ARHGAP24: variants seen among roughly 807,000 people sequenced by gnomAD.
ARHGAP24 encodes Rho GTPase activating protein 24, also known as rho GTPase-activating protein 24.
Under a neutral mutation model 76.4 loss-of-function variants are expected in ARHGAP24, and 50 were observed. That is an observed-to-expected ratio of 0.65 (90% CI 0.52 to 0.83). The LOEUF is 0.83. ARHGAP24 is among the 40% of genes least tolerant of loss of function. The pLI is 0.00. For missense variants in ARHGAP24, 930 were observed against 914.2 expected, an observed-to-expected ratio of 1.02 and a Z score of -0.22; for synonymous variants, 345 against 323.3, an observed-to-expected ratio of 1.07 and a Z score of -0.72.
intron 3 of ARHGAP24, among the ~76,000 whole-genome samples, chr4:85,848,141 T>C (rs1253066446): frequency 6.7e-6 from 1 of 150,232 alleles, no homozygotes; most frequent in African/African-American, 2.4e-5. Context: ...TAATATGAGA[T>C]ACAAAGTAGC....
At chr4:85,595,292 G>T (rs1719763403) in intron 2 of ARHGAP24, among the ~76,000 whole-genome samples, 1 of 152,014 alleles carries the variant, frequency 6.6e-6, no homozygotes, top group African/African-American at 2.4e-5. Flanking sequence ...GTATCTCTTG[G>T]CAGACCAAGG....
rs558586860 is a variant in ARHGAP24, at chr4:85,763,540, C to T, written c.268+41568C>T. Among the ~76,000 whole-genome samples the T allele has an allele frequency of 1.7e-3, 253 of 152,176 alleles. 1 individual carries two copies. Among genetic ancestry groups the T allele is most frequent in the African/African-American group, 5.9e-3 (244 of 41,540 alleles). On this transcript the variant is annotated intron_variant, in intron 3 of 9. Coordinates refer to ENST00000395184, the MANE Select transcript of ARHGAP24 (RefSeq NM_001025616.3). ...TGGAAGTTCAGAATGAAACTACCAACCAGTAAGAATGTAGAGGAGCCCAAA... is the reference window on the plus strand; with the variant it reads ...TGGAAGTTCAGAATGAAACTACCAATCAGTAAGAATGTAGAGGAGCCCAAA...
Position 85,941,994 on chromosome 4 carries a change from A to AT in ARHGAP24, c.392-70dup, listed in dbSNP as rs1262232431. The AT allele has an allele frequency of 2.4e-5, 36 of 1,482,512 alleles. No individual in the cohort carries two copies. In the African/African-American group the frequency reaches 4.9e-4, roughly 20 times the overall value. 91.8% of individuals were successfully genotyped at this position (1,482,512 alleles called of 1,614,324 possible). On this transcript the variant is annotated intron_variant, in intron 4 of 9. Coordinates refer to ENST00000395184, the MANE Select transcript of ARHGAP24 (RefSeq NM_001025616.3). ...AATCTTTGTTTTTCTGTTATATTGA[A>AT]TTAAAACAACAACAACAACAAAGTG...
intron 3 of ARHGAP24, among the ~76,000 whole-genome samples, chr4:85,725,781 A>G (rs1466430788): frequency 6.6e-6 from 1 of 152,226 alleles, no homozygotes; most frequent in Non-Finnish European, 1.5e-5. Context: ...TTATTCAGCA[A>G]CTAGGAAACT....
intron 4 of ARHGAP24, among the ~76,000 whole-genome samples, chr4:85,928,141 A>C (rs1279282260): frequency 6.6e-6 from 1 of 152,178 alleles, no homozygotes; most frequent in Non-Finnish European, 1.5e-5. Flanking sequence ...TGAGAGGCAC[A>C]TGGTTTCTGC....
intron 1 of ARHGAP24, among the ~76,000 whole-genome samples, chr4:85,555,870 TG>T (rs11361394): frequency 0.82 from 125,159 of 152,070 alleles, 53,974 homozygotes; most frequent in East Asian, 0.98. Context: ...AGGTGGCTCA[TG>T]GGGGGAAACT....
chr4:85,832,047 C>T (rs1560658159), intron 3 of ARHGAP24, among the ~76,000 whole-genome samples: 1 of 152,084 alleles, frequency 6.6e-6, no homozygotes, highest in Non-Finnish European at 1.5e-5. Context: ...GTTTGTCACT[C>T]TCAAGTTCCC....
rs544993155 is a variant in ARHGAP24, at chr4:85,848,963, G to T, written c.269-74685G>T. Among the ~76,000 whole-genome samples, 14 of 152,034 alleles carry T rather than the reference G, an allele frequency of 9.2e-5. 1 individual carries two copies. The South Asian group carries it at 2.9e-3, about 32-fold the overall frequency. ...TTGGTTCCATATGAACTTTAAAGTA[G>T]TTTTTTCCAATTCTGTGAAGAAAGT... On this transcript the variant is annotated intron_variant, in intron 3 of 9. Coordinates refer to ENST00000395184, the MANE Select transcript of ARHGAP24 (RefSeq NM_001025616.3).
intron 2 of ARHGAP24, among the ~76,000 whole-genome samples, chr4:85,609,106 T>A (rs1217369662): frequency 2.6e-5 from 4 of 152,302 alleles, no homozygotes; most frequent in African/African-American, 9.6e-5. Flanking sequence ...ATGCTTAGTA[T>A]CTAGTAAAGT....
chr4:85,991,882 C>T, intron 8 of ARHGAP24: 1 of 351,886 alleles, frequency 2.8e-6, no homozygotes, highest in Non-Finnish European at 5.1e-6. Flanking sequence ...CTATATTGCA[C>T]AGAATGCTGT....
At chr4:85,685,428 C>T (rs375728381) in intron 2 of ARHGAP24, among the ~76,000 whole-genome samples, 4 of 151,914 alleles carry the variant, frequency 2.6e-5, no homozygotes, top group African/African-American at 9.7e-5. Context: ...GTCAGGAGAT[C>T]GAGACCATCC....
At chr4:85,994,133 A>T (rs1740503130) in intron 8 of ARHGAP24, among the ~76,000 whole-genome samples, 1 of 152,172 alleles carries the variant, frequency 6.6e-6, no homozygotes, top group Non-Finnish European at 1.5e-5. Context: ...TGATAGTTTG[A>T]GGCAATTATT....
intron 3 of ARHGAP24, among the ~76,000 whole-genome samples, chr4:85,889,142 A>C (rs1412651571): frequency 6.6e-6 from 1 of 152,216 alleles, no homozygotes; most frequent in Non-Finnish European, 1.5e-5. Context: ...TATTTGTTTC[A>C]AGAGAATGAA....
At chr4:85,571,653 T>C (rs1004534841) in intron 2 of ARHGAP24, among the ~76,000 whole-genome samples, 4 of 152,232 alleles carry the variant, frequency 2.6e-5, no homozygotes, top group African/African-American at 9.6e-5. Flanking sequence ...ATTCCTCTAA[T>C]TGAACTCCCT....
intron 5 of ARHGAP24, among the ~76,000 whole-genome samples, chr4:85,960,753 G>C (rs1324816317): frequency 6.6e-6 from 1 of 152,012 alleles, no homozygotes; most frequent in Non-Finnish European, 1.5e-5. Context: ...AACTTTTGTT[G>C]GAATTTAATT....
chr4:85,964,862 C>CGTGT (rs372675388), intron 5 of ARHGAP24, among the ~76,000 whole-genome samples: 3 of 150,224 alleles, frequency 2.0e-5, no homozygotes, highest in Admixed American at 1.3e-4. Context: ...TTTGTGTATA[C>CGTGT]GTGTGTGTGT....
At chr4:85,869,429 T>C (rs1305958528) in intron 3 of ARHGAP24, among the ~76,000 whole-genome samples, 1 of 152,118 alleles carries the variant, frequency 6.6e-6, no homozygotes, top group African/African-American at 2.4e-5. Flanking sequence ...GAATTAGCTC[T>C]GACTCTTAGG....
intron 2 of ARHGAP24, among the ~76,000 whole-genome samples, chr4:85,622,997 G>A (rs1393013603): frequency 6.6e-6 from 1 of 152,002 alleles, no homozygotes. Context: ...CTGGATATTA[G>A]CCCTTTGTCA....
At chr4:85,478,234 A>T (rs1468348601) in intron 1 of ARHGAP24, among the ~76,000 whole-genome samples, 1 of 152,216 alleles carries the variant, frequency 6.6e-6, no homozygotes, top group Admixed American at 6.5e-5. Flanking sequence ...TGGCTAAAGG[A>T]CTAAGATCTC....
Sources: allele counts gnomAD v4.1 joint callset (sites outside exome capture counted in the v4.1 genomes callset), GRCh38; gene constraint gnomAD v4.1.1; transcripts MANE v1.5; gene names NCBI Gene and HGNC (gene_info 2026-07-23, HGNC 2026-07-21).